The following SH3BGR variants were observed in gnomAD, a reference collection of about 807,000 sequenced individuals.
SH3BGR encodes the protein SH3 domain binding glutamate rich protein.
In SH3BGR, 29 loss-of-function variants were observed where a neutral mutation model predicts 24.5. The ratio of observed to expected loss-of-function variants is 1.18; its 90% CI spans 0.88 to 1.61. SH3BGR has a LOEUF of 1.61. Ranked by LOEUF, SH3BGR falls within the 40% of genes most tolerant of loss-of-function variation. The probability of loss-of-function intolerance (pLI) is 0.00; values close to 1 mark genes in which losing one functional copy is unlikely to be tolerated. For synonymous variants in SH3BGR, 55 were observed against 65.7 expected (o/e 0.84, Z 0.79); for missense variants, 162 against 205.8 (o/e 0.79, Z 1.30).
chr21:39,492,466 G>GTGTGTGTGTGTGTA (rs1404293146), intron 3 of SH3BGR, among the ~76,000 whole-genome samples: 1 of 139,730 alleles, frequency 7.2e-6, no homozygotes, highest in African/African-American at 2.9e-5. Flanking sequence ...GTGTGTGTGT[G>GTGTGTGTGTGTGTA]TATATATATA....
chr21:39,482,338 A>G (rs1334689984), intron 3 of SH3BGR, among the ~76,000 whole-genome samples: 2 of 152,256 alleles, frequency 1.3e-5, no homozygotes, highest in Non-Finnish European at 2.9e-5. Flanking sequence ...ACTAAAATAG[A>G]CTGAGGAAAT....
intron 1 of SH3BGR, among the ~76,000 whole-genome samples, chr21:39,453,796 A>T (rs546472573): frequency 2.0e-4 from 30 of 152,228 alleles, no homozygotes; most frequent in Non-Finnish European, 3.1e-4. Flanking sequence ...TGCCTACATC[A>T]TAGTGTTGTC....
At chr21:39,493,603 T>C (rs939370863) in intron 3 of SH3BGR, among the ~76,000 whole-genome samples, 1 of 152,198 alleles carries the variant, frequency 6.6e-6, no homozygotes, top group African/African-American at 2.4e-5. Context: ...TGTGGGCTCT[T>C]TTATGGTTCC....
chr21:39,470,415 T>G (rs966520774), intron 2 of SH3BGR, among the ~76,000 whole-genome samples: 12 of 152,024 alleles, frequency 7.9e-5, no homozygotes, highest in Non-Finnish European at 1.8e-4. Context: ...CGCACCACCA[T>G]GCCCTGCTAA....
upstream of SH3BGR, among the ~76,000 whole-genome samples, chr21:39,450,979 T>G (rs551414238): frequency 4.2e-4 from 64 of 150,614 alleles, no homozygotes; most frequent in Non-Finnish European, 8.3e-4. Context: ...TGCCTGGCTG[T>G]TTTTTTTTGT....
At chr21:39,449,078 C>T (rs1481979024), upstream of SH3BGR, among the ~76,000 whole-genome samples, 1 of 152,196 alleles carries the variant, frequency 6.6e-6, no homozygotes, top group East Asian at 1.9e-4. Context: ...CAAATTCCAT[C>T]CCATTTTAAT....
At chr21:39,513,180 A>C (rs913080774) in intron 6 of SH3BGR, among the ~76,000 whole-genome samples, 5 of 152,190 alleles carry the variant, frequency 3.3e-5, no homozygotes, top group Non-Finnish European at 5.9e-5. Flanking sequence ...TTCCATCGTC[A>C]GTAGAAGTTT....
At chr21:39,492,357 T>C (rs2123467508) in intron 3 of SH3BGR, among the ~76,000 whole-genome samples, 1 of 152,200 alleles carries the variant, frequency 6.6e-6, no homozygotes, top group Non-Finnish European at 1.5e-5. Flanking sequence ...CTGAGTTACT[T>C]CACTTAGAAT....
chr21:39,483,459 A>T (rs2078162834), intron 3 of SH3BGR, among the ~76,000 whole-genome samples: 1 of 152,194 alleles, frequency 6.6e-6, no homozygotes, highest in Admixed American at 6.5e-5. Flanking sequence ...CTTCTCATCG[A>T]GGCTTTTGTA....
At chr21:39,465,671 G>A (rs564872415) in intron 2 of SH3BGR, among the ~76,000 whole-genome samples, 5 of 152,184 alleles carry the variant, frequency 3.3e-5, no homozygotes, top group African/African-American at 1.2e-4. Flanking sequence ...GCTCACTGCA[G>A]CCTCAAACTC....
chr21:39,503,508 T>G (rs2078531986), intron 4 of SH3BGR, among the ~76,000 whole-genome samples: 1 of 152,228 alleles, frequency 6.6e-6, no homozygotes, highest in Non-Finnish European at 1.5e-5. Flanking sequence ...CTCCAGCACC[T>G]GGCAATGTTC....
chr21:39,507,803 A>C (rs949750715), intron 4 of SH3BGR, among the ~76,000 whole-genome samples: 1 of 151,426 alleles, frequency 6.6e-6, no homozygotes, highest in Non-Finnish European at 1.5e-5. Flanking sequence ...TGTTTCATAG[A>C]GATGGGGGCG....
At chr21:39,492,326 A>G (rs553773981) in intron 3 of SH3BGR, among the ~76,000 whole-genome samples, 130 of 152,178 alleles carry the variant, frequency 8.5e-4, no homozygotes, top group African/African-American at 3.1e-3. Context: ...GTGAGAACAT[A>G]CGATGTTTGG....
At chr21:39,479,692 A>C (rs1383211130) in intron 3 of SH3BGR, among the ~76,000 whole-genome samples, 1 of 152,126 alleles carries the variant, frequency 6.6e-6, no homozygotes, top group South Asian at 2.1e-4. Context: ...AGAGACAAAA[A>C]CTGCTTATTT....
chr21:39,507,031 G>A (rs1252697711), intron 4 of SH3BGR, among the ~76,000 whole-genome samples: 2 of 152,184 alleles, frequency 1.3e-5, no homozygotes, highest in African/African-American at 2.4e-5. Context: ...CGATCAACAC[G>A]TCGCTGTGAA....
At chr21:39,466,621 T>C (rs988046514) in intron 2 of SH3BGR, among the ~76,000 whole-genome samples, 2 of 152,168 alleles carry the variant, frequency 1.3e-5, no homozygotes, top group African/African-American at 2.4e-5. Context: ...CATGCCCTTC[T>C]TCACATGACC....
chr21:39,505,618 A>G (rs2078568977), intron 4 of SH3BGR, among the ~76,000 whole-genome samples: 5 of 152,168 alleles, frequency 3.3e-5, no homozygotes. Context: ...ACAAAAAATT[A>G]GCTGGGTGTG....
intron 3 of SH3BGR, chr21:39,491,569 G>T: frequency 3.6e-6 from 1 of 277,288 alleles, no homozygotes; most frequent in Non-Finnish European, 7.0e-6. Flanking sequence ...TGGGGGTCGT[G>T]GGGCAGCACC....
chr21:39,468,625 G>C (rs1027199909), intron 2 of SH3BGR, among the ~76,000 whole-genome samples: 1 of 152,182 alleles, frequency 6.6e-6, no homozygotes, highest in African/African-American at 2.4e-5. Flanking sequence ...TTTTTGTAGA[G>C]ATGGCATCTC....
Sources: gnomAD v4.1 joint callset for allele counts (sites outside exome capture counted in the v4.1 genomes callset) on GRCh38, gnomAD v4.1.1 for gene constraint, MANE v1.5 for transcripts, NCBI Gene and HGNC (gene_info 2026-07-23, HGNC 2026-07-21) for gene names.